Variants in DNAH8 observed in about 807,000 individuals in gnomAD.
The protein encoded by DNAH8 is axonemal beta dynein heavy chain 8.
DNAH8 carries 382 observed loss-of-function variants against 562.1 expected under a neutral mutation model. That is an observed-to-expected ratio of 0.68 (90% CI 0.63 to 0.74). DNAH8 has a LOEUF of 0.74. Ranked by LOEUF, DNAH8 falls within the 30% of genes least tolerant of loss-of-function variation. The pLI, the probability that DNAH8 is intolerant of heterozygous loss-of-function variation, is 0.00. For synonymous variants in DNAH8, 1,881 were observed against 1,919.4 expected, an observed-to-expected ratio of 0.98 and a Z score of 0.52; for missense variants, 5,203 against 5,620.4, an observed-to-expected ratio of 0.93 and a Z score of 2.37.
intron 12 of DNAH8, among the ~76,000 whole-genome samples, chr6:38,773,543 A>G (rs116722928): frequency 0.015 from 2,261 of 152,294 alleles, 28 homozygotes; most frequent in South Asian, 0.027. Flanking sequence ...CTCAGCAACC[A>G]GAGCTAAGGT....
chr6:38,799,689 C>A (rs950056055), intron 21 of DNAH8, among the ~76,000 whole-genome samples: 2 of 152,060 alleles, frequency 1.3e-5, no homozygotes, highest in Non-Finnish European at 2.9e-5. Flanking sequence ...AGTTGCACAA[C>A]CATCACTGCA....
chr6:38,873,609 C>A (rs892152391), intron 52 of DNAH8, among the ~76,000 whole-genome samples: 5 of 152,024 alleles, frequency 3.3e-5, no homozygotes, highest in Admixed American at 1.3e-4. Context: ...GGGGAATGAA[C>A]TATCTTTCCC....
At position 38,917,182 on chromosome 6, in the gene DNAH8, A is replaced by G. The variant is rs16891254; in HGVS notation, c.10141-57A>G. 13,226 of 1,213,146 alleles carry G rather than the reference A, an allele frequency of 0.011. 698 individuals are homozygous for G. In the East Asian group the frequency reaches 0.15, roughly 14 times the overall value. 75.1% of individuals were successfully genotyped at this position (1,213,146 alleles called of 1,614,324 possible). A position where few individuals can be genotyped will look rare whatever the true frequency, so the allele number is the denominator to read the frequency against. ...AATTATTGAAAAGTATTAGATTTCCATATAACTATTAATACCACTCAACAA... is the reference window on the plus strand; with the variant it reads ...AATTATTGAAAAGTATTAGATTTCCGTATAACTATTAATACCACTCAACAA... On this transcript the variant is annotated intron_variant, in intron 68 of 92. Transcript: ENST00000327475.
In DNAH8 at chr6:38,817,541, T is replaced by C. The variant is rs558102547; in HGVS notation, c.3523+1884T>C. ...CTGGTCTATCTGAATTGGCTTGATG[T>C]GTTGGTGTCAGCTGAAAATGGACTT... On this transcript the variant is annotated intron_variant, in intron 26 of 92. Coordinates refer to ENST00000327475, the MANE Select transcript of DNAH8 (RefSeq NM_001206927.2). Among the ~76,000 whole-genome samples the C allele has an allele frequency of 3.9e-5, 6 of 152,264 alleles. No individual in the cohort carries two copies. The South Asian group carries it at 1.0e-3, about 26-fold the overall frequency.
At chr6:38,863,124 G>A (rs9380792) in intron 44 of DNAH8, among the ~76,000 whole-genome samples, 1 of 151,838 alleles carries the variant, frequency 6.6e-6, no homozygotes, top group African/African-American at 2.4e-5. Context: ...TCTAGCAGGT[G>A]CAGATTCACT....
chr6:39,028,282 C>A (rs903937735), intron 92 of DNAH8, among the ~76,000 whole-genome samples: 4 of 152,196 alleles, frequency 2.6e-5, no homozygotes, highest in Admixed American at 6.5e-5. Context: ...AGTATCATTA[C>A]CTTGGGTGGC....
intron 4 of DNAH8, 138 bp downstream of exon 4, chr6:38,730,124 G>A (rs1032670688): frequency 1.8e-5 from 10 of 555,982 alleles, no homozygotes; most frequent in Non-Finnish European, 2.8e-5. Flanking sequence ...GAAATATAGT[G>A]TCTCAAGAAC....
Position 39,012,170 on chromosome 6 carries a change from T to A in DNAH8, c.13372-45T>A, listed in dbSNP as rs9296273. 1,204,062 of 1,412,464 alleles carry A rather than the reference T, an allele frequency of 0.85. 515,339 individuals carry two copies. The highest frequency in any genetic ancestry group is 0.88 in the Middle Eastern group (3,547 of 4,040). The allele number at this position is 1,412,464 out of a possible 1,614,324, so 87.5% of individuals were successfully genotyped here. On this transcript the variant is annotated intron_variant, in intron 89 of 92. Coordinates refer to ENST00000327475, the MANE Select transcript of DNAH8 (RefSeq NM_001206927.2). ...AGAAGAGGTTATTGGAAGAGAAATG[T>A]CAGATGAGAAAATCTCCTTTATTGC...
intron 11 of DNAH8, among the ~76,000 whole-genome samples, chr6:38,768,791 C>T (rs1209712709): frequency 1.3e-5 from 2 of 152,086 alleles, no homozygotes; most frequent in Non-Finnish European, 2.9e-5. Flanking sequence ...TCTTGCTCCC[C>T]TCATACCCAG....
At chr6:38,992,772 A>G (rs1764880986) in intron 88 of DNAH8, among the ~76,000 whole-genome samples, 1 of 152,238 alleles carries the variant, frequency 6.6e-6, no homozygotes, top group African/African-American at 2.4e-5. Flanking sequence ...AAAGGTCCAG[A>G]GAAGTACAAC....
intron 12 of DNAH8, among the ~76,000 whole-genome samples, chr6:38,773,115 C>G (rs1210108319): frequency 6.6e-6 from 1 of 151,574 alleles, no homozygotes; most frequent in African/African-American, 2.4e-5. Context: ...CTGTGCTCAG[C>G]CAATAGGGAT....
chr6:38,750,716 G>C (rs1216099462), intron 9 of DNAH8, 127 bp downstream of exon 9: 1 of 474,326 alleles, frequency 2.1e-6, no homozygotes, highest in Non-Finnish European at 3.7e-6. Context: ...AGTGAGCTAT[G>C]GTTGTGCCAC....
At chr6:38,996,085 A>G (rs1323099129) in intron 88 of DNAH8, among the ~76,000 whole-genome samples, 2 of 152,194 alleles carry the variant, frequency 1.3e-5, no homozygotes, top group Non-Finnish European at 2.9e-5. Flanking sequence ...CTCAGTCCTC[A>G]GTGGCAAAAT....
At chr6:38,850,739 T>A (rs1300842575) in intron 38 of DNAH8, among the ~76,000 whole-genome samples, 1 of 152,202 alleles carries the variant, frequency 6.6e-6, no homozygotes, top group African/African-American at 2.4e-5. Flanking sequence ...TAAGAGAGGA[T>A]CCTCCCTTGC....
Position 38,938,941 on chromosome 6 carries a change from T to G in DNAH8, c.11960T>G (p.Leu3987Arg). ...FVLLMTLKID[L>R]QRGTVKHREF... ...CTCCTCATGACCTTAAAGATTGACC[T>G]TCAGAGAGGGACAGTTAAGCACAGA... The change falls in exon 79 of 93, where the codon CTT becomes CGT. Residue 3987 changes from leucine to arginine, a missense_variant. Physicochemically the swap from Leu to Arg is moderately radical, Grantham distance 102. Coordinates refer to ENST00000327475, the MANE Select transcript of DNAH8 (RefSeq NM_001206927.2). The G allele has an allele frequency of 6.2e-7, 1 of 1,613,924 alleles. No homozygotes were observed. Among genetic ancestry groups the G allele is most frequent in the Non-Finnish European group, 8.5e-7 (1 of 1,179,908 alleles).
intron 21 of DNAH8, among the ~76,000 whole-genome samples, chr6:38,793,944 A>G (rs774861584): frequency 5.3e-5 from 8 of 152,118 alleles, no homozygotes; most frequent in Middle Eastern, 3.2e-3. Context: ...ACACACATCT[A>G]TTTGTGGGAA....
chr6:38,720,936 G>A (rs902066670), intron 1 of DNAH8, among the ~76,000 whole-genome samples: 5 of 152,224 alleles, frequency 3.3e-5, no homozygotes, highest in Non-Finnish European at 5.9e-5. Flanking sequence ...AAAGAGATTT[G>A]CTGAGCTAAA....
chr6:38,811,907 T>TA (rs1221832496), intron 24 of DNAH8, among the ~76,000 whole-genome samples: 2 of 152,140 alleles, frequency 1.3e-5, no homozygotes, highest in Admixed American at 1.3e-4. Context: ...CCTGGAGAGA[T>TA]ACTGGGGGTA....
At chr6:38,797,256 G>A (rs1770354939) in intron 21 of DNAH8, among the ~76,000 whole-genome samples, 1 of 152,076 alleles carries the variant, frequency 6.6e-6, no homozygotes, top group Non-Finnish European at 1.5e-5. Context: ...TAGTCGGGGG[G>A]CGGTGGTGGT....
Sources: gnomAD v4.1 joint callset for allele counts (sites outside exome capture counted in the v4.1 genomes callset) on GRCh38, gnomAD v4.1.1 for gene constraint, MANE v1.5 for transcripts, NCBI Gene and HGNC (gene_info 2026-07-23, HGNC 2026-07-21) for gene names.